The following VWA8 variants were observed in gnomAD, a reference collection of about 807,000 sequenced individuals.
VWA8 encodes the protein von Willebrand factor A domain-containing protein 8.
In VWA8, 221 loss-of-function variants were observed where a neutral mutation model predicts 241.5. That is an observed-to-expected ratio of 0.91 (90% CI 0.82 to 1.02). VWA8 has a LOEUF of 1.02. VWA8 is among the 50% of genes least tolerant of loss of function. The pLI is 0.00. For synonymous variants in VWA8, 852 were observed against 827.1 expected (o/e 1.03, Z -0.52); for missense variants, 2,322 against 2,328.7 (o/e 1.00, Z 0.06).
chr13:41,812,708 TA>T (rs1955078774), intron 16 of VWA8, among the ~76,000 whole-genome samples: 1 of 152,152 alleles, frequency 6.6e-6, no homozygotes, highest in South Asian at 2.1e-4. Flanking sequence ...ACAACATTAG[TA>T]TTATATTTCC....
chr13:41,795,582 G>T (rs771851607), intron 17 of VWA8, among the ~76,000 whole-genome samples: 12 of 152,200 alleles, frequency 7.9e-5, no homozygotes, highest in Non-Finnish European at 1.5e-4. Flanking sequence ...CAAACAAAAT[G>T]TGGTACATAT....
At chr13:41,861,057 C>G (rs1161220407) in intron 12 of VWA8, among the ~76,000 whole-genome samples, 1 of 151,576 alleles carries the variant, frequency 6.6e-6, no homozygotes, top group Non-Finnish European at 1.5e-5. Flanking sequence ...TCTTCAAGAC[C>G]TTCTCCATAT....
intron 12 of VWA8, among the ~76,000 whole-genome samples, chr13:41,859,585 G>A (rs1872916161): frequency 6.6e-6 from 1 of 152,092 alleles, no homozygotes; most frequent in African/African-American, 2.4e-5. Context: ...CTGGAAATAT[G>A]CCCTTATCTG....
chr13:41,861,901 C>T (rs923775456), intron 12 of VWA8, among the ~76,000 whole-genome samples: 3 of 152,100 alleles, frequency 2.0e-5, no homozygotes, highest in Non-Finnish European at 2.9e-5. Flanking sequence ...AATGCTATTC[C>T]TATCAAATTA....
rs149827877 is a variant in VWA8 at position 41,766,852 on chromosome 13, C to T, written c.2350-5648G>A. 8.7e-4 allele frequency among the ~76,000 whole-genome samples: 133 copies of T among 152,240 alleles called. 2 individuals are homozygous for T. The East Asian group carries it at 0.021, about 24-fold the overall frequency. ...CTTGAGGCCAGGATCATGCCCTATTCGGGTCTCTTAATGTCATGGAGTCAA... is the reference window on the plus strand; with the variant it reads ...CTTGAGGCCAGGATCATGCCCTATTTGGGTCTCTTAATGTCATGGAGTCAA... On this transcript the variant is annotated intron_variant, in intron 20 of 44. Coordinates refer to ENST00000379310, the MANE Select transcript of VWA8 (RefSeq NM_015058.2).
At position 41,691,440 on chromosome 13, in the gene VWA8, C is replaced by A. The variant is rs1391312817; in HGVS notation, c.3746G>T (p.Ser1249Ile). The A allele has an allele frequency of 6.2e-7, 1 of 1,611,952 alleles. No homozygotes were observed. The highest frequency in any genetic ancestry group is 2.2e-5 in the East Asian group (1 of 44,818). Reference sequence around the variant, plus strand: ...TTCTAGAACATCCAGCACAGTCAGGCTGTTCCTGGAAAAGAAGAAAACTGT... The same window carrying A: ...TTCTAGAACATCCAGCACAGTCAGGATGTTCCTGGAAAAGAAGAAAACTGT... ...WLVFYKEKGN[S>I]LTVLDVLEGR... The change falls in exon 32 of 45, where the codon AGC becomes ATC. Residue 1249 changes from serine to isoleucine, a missense_variant. Coordinates refer to ENST00000379310, the MANE Select transcript of VWA8 (RefSeq NM_015058.2).
intron 9 of VWA8, among the ~76,000 whole-genome samples, chr13:41,882,800 G>A (rs1874317241): frequency 6.6e-6 from 1 of 152,118 alleles, no homozygotes; most frequent in African/African-American, 2.4e-5. Context: ...CGTGGAAAGA[G>A]AGGGAGAGGG....
chr13:41,954,841 A>G (rs1878286990), intron 1 of VWA8, among the ~76,000 whole-genome samples: 1 of 152,238 alleles, frequency 6.6e-6, no homozygotes, highest in Non-Finnish European at 1.5e-5. Flanking sequence ...CATCGTTTGC[A>G]ACTATTTAAA....
chr13:41,945,111 T>C (rs1327923919), intron 2 of VWA8, among the ~76,000 whole-genome samples: 1 of 152,154 alleles, frequency 6.6e-6, no homozygotes, highest in Admixed American at 6.6e-5. Flanking sequence ...AAGCTACCTA[T>C]GGAGCACTGA....
intron 13 of VWA8, 81 bp from the exon 14 acceptor site, chr13:41,830,723 A>AGCAATAATAGACTGTTGGCTG: frequency 8.2e-7 from 1 of 1,222,860 alleles, no homozygotes; most frequent in Non-Finnish European, 1.2e-6. Context: ...TCAGTCAGCC[A>AGCAATAATAGACTGTTGGCTG]ACAGTCTATT....
At chr13:41,948,514 A>G (rs887665017) in intron 2 of VWA8, among the ~76,000 whole-genome samples, 1 of 152,226 alleles carries the variant, frequency 6.6e-6, no homozygotes, top group Non-Finnish European at 1.5e-5. Flanking sequence ...TTTATGGTAT[A>G]TGAATTATAT....
chr13:41,858,531 G>A (rs190903262), intron 12 of VWA8, among the ~76,000 whole-genome samples: 25 of 152,110 alleles, frequency 1.6e-4, no homozygotes, highest in East Asian at 1.2e-3. Flanking sequence ...ACTTGAACCC[G>A]GGAGGCGGAG....
intron 42 of VWA8, 125 bp downstream of exon 42, chr13:41,587,387 C>A: frequency 7.9e-7 from 1 of 1,264,186 alleles, no homozygotes; most frequent in Admixed American, 2.3e-5. Context: ...GCTTCACTTT[C>A]TCTGCACTGA....
Position 41,882,702 on chromosome 13 carries a change from G to A in VWA8, c.1080+685C>T, listed in dbSNP as rs1222295739. Among the ~76,000 whole-genome samples the A allele has an allele frequency of 1.3e-5, 2 of 152,210 alleles. 1 individual carries two copies. Among genetic ancestry groups the A allele is most frequent in the South Asian group, 4.1e-4 (2 of 4,832 alleles). On this transcript the variant is annotated intron_variant, in intron 9 of 44. Transcript: ENST00000379310. The stretch of plus-strand genomic sequence containing the variant: ...GCCTGCAATCGCAGGCACTCGGCAG[G>A]CTGAGGCAGGAGAATCAGGCAGGGA...
chr13:41,935,846 C>T (rs1877325745), intron 2 of VWA8, among the ~76,000 whole-genome samples: 1 of 151,718 alleles, frequency 6.6e-6, no homozygotes, highest in Non-Finnish European at 1.5e-5. Flanking sequence ...ATAACACTCT[C>T]TAGGTACAAA....
intron 20 of VWA8, 65 bp from the exon 21 acceptor site, chr13:41,761,269 T>C (rs1267009965): frequency 1.3e-6 from 2 of 1,488,570 alleles, no homozygotes; most frequent in East Asian, 4.5e-5. Context: ...TTATGCCAAA[T>C]CAGAAGAATC....
intron 1 of VWA8, among the ~76,000 whole-genome samples, chr13:41,959,941 G>A (rs1177439743): frequency 6.6e-6 from 1 of 152,172 alleles, no homozygotes; most frequent in Admixed American, 6.5e-5. Context: ...AAAACTGGGG[G>A]TTGCGGGGAA....
intron 20 of VWA8, among the ~76,000 whole-genome samples, chr13:41,771,626 T>C (rs368762588): frequency 6.6e-6 from 1 of 152,306 alleles, no homozygotes; most frequent in Middle Eastern, 3.4e-3. Flanking sequence ...TCACCCAGGC[T>C]GGAGTGAAAT....
At chr13:41,747,477 A>G (rs1203667264) in intron 21 of VWA8, among the ~76,000 whole-genome samples, 1 of 152,194 alleles carries the variant, frequency 6.6e-6, no homozygotes, top group Admixed American at 6.5e-5. Flanking sequence ...GAAGTTGTCC[A>G]TCAGCTTAAG....
Sources: gnomAD v4.1 joint callset for allele counts (sites outside exome capture counted in the v4.1 genomes callset) on GRCh38, gnomAD v4.1.1 for gene constraint, MANE v1.5 for transcripts, NCBI Gene and HGNC (gene_info 2026-07-23, HGNC 2026-07-21) for gene names.